TANC2: variants seen among roughly 807,000 people sequenced by gnomAD.
TANC2 encodes the protein tetratricopeptide repeat, ankyrin repeat and coiled-coil containing 2.
A neutral mutation model predicts 210.5 loss-of-function variants in TANC2; 26 were observed. That is an observed-to-expected ratio of 0.12 (90% CI 0.09 to 0.17). The LOEUF (loss-of-function observed/expected upper bound fraction) is 0.17, where lower values mean the gene tolerates loss of function less well. TANC2 is among the 10% of genes least tolerant of loss of function. The pLI is 1.00. For missense variants in TANC2, 2,129 were observed against 2,608.9 expected, an observed-to-expected ratio of 0.82 and a Z score of 4.01; for synonymous variants, 931 against 967.1, an observed-to-expected ratio of 0.96 and a Z score of 0.69.
intron 2 of TANC2, among the ~76,000 whole-genome samples, chr17:63,025,435 A>G (rs2034509032): frequency 6.6e-6 from 1 of 152,070 alleles, no homozygotes; most frequent in African/African-American, 2.4e-5. Flanking sequence ...GGAAGGTAGA[A>G]TGGAATGAGA....
chr17:63,410,766 C>A (rs1337355591), intron 21 of TANC2, among the ~76,000 whole-genome samples: 1 of 141,448 alleles, frequency 7.1e-6, no homozygotes, highest in Non-Finnish European at 1.5e-5. Context: ...GAGGCTGAGG[C>A]AGGAGAATTG....
chr17:63,298,916 C>T (rs1440526234), intron 9 of TANC2, among the ~76,000 whole-genome samples: 2 of 152,114 alleles, frequency 1.3e-5, no homozygotes, highest in Non-Finnish European at 2.9e-5. Context: ...GCTCTTCCTC[C>T]CCTTGCCCCC....
chr17:63,410,370 A>C (rs1401250913), intron 21 of TANC2, among the ~76,000 whole-genome samples: 1 of 124,640 alleles, frequency 8.0e-6, no homozygotes, highest in Non-Finnish European at 1.7e-5. Flanking sequence ...TCTGGTAACC[A>C]CCATTTTATT....
At chr17:63,341,652 A>C (rs2046232426) in intron 12 of TANC2, among the ~76,000 whole-genome samples, 1 of 152,242 alleles carries the variant, frequency 6.6e-6, no homozygotes, top group Admixed American at 6.5e-5. Context: ...TGAGGGCTGA[A>C]TTTTAAGTAC....
chr17:63,008,010 A>T (rs2033700278), intron 1 of TANC2, among the ~76,000 whole-genome samples: 3 of 139,682 alleles, frequency 2.1e-5, no homozygotes, highest in East Asian at 2.0e-4. Context: ...TTTTTTCAGA[A>T]TTTTTAAGTC....
At chr17:63,078,942 G>A (rs1002559810) in intron 3 of TANC2, among the ~76,000 whole-genome samples, 16 of 152,080 alleles carry the variant, frequency 1.1e-4, no homozygotes. Flanking sequence ...CTATCTTCTT[G>A]CCGATTTTCT....
At chr17:63,017,592 ATTTC>A (rs767732221) in intron 2 of TANC2, among the ~76,000 whole-genome samples, 1 of 152,092 alleles carries the variant, frequency 6.6e-6, no homozygotes, top group Non-Finnish European at 1.5e-5. Flanking sequence ...ATTCTGAAAC[ATTTC>A]TTTATCTCCA....
At chr17:63,098,947 T>C (rs565539111) in intron 3 of TANC2, among the ~76,000 whole-genome samples, 2 of 152,206 alleles carry the variant, frequency 1.3e-5, no homozygotes, top group African/African-American at 4.8e-5. Context: ...TCTCATGAGA[T>C]AGTGAACACC....
intron 4 of TANC2, among the ~76,000 whole-genome samples, chr17:63,133,264 G>A (rs1340570124): frequency 1.3e-5 from 2 of 151,858 alleles, no homozygotes; most frequent in African/African-American, 4.8e-5. Flanking sequence ...GTGCCACCAC[G>A]CCTGGCTAAT....
chr17:63,302,599 C>CTTTTTTTTT (rs568226580), intron 9 of TANC2, among the ~76,000 whole-genome samples: 4 of 22,734 alleles, frequency 1.8e-4, no homozygotes, highest in Admixed American at 4.8e-4. Flanking sequence ...GCAACCCCTG[C>CTTTTTTTTT]TTTTTTTTTT....
At chr17:63,339,694 G>A (rs2046161737) in intron 11 of TANC2, among the ~76,000 whole-genome samples, 1 of 151,906 alleles carries the variant, frequency 6.6e-6, no homozygotes, top group African/African-American at 2.4e-5. Context: ...GATTTTTCTT[G>A]GATTATTTTA....
intron 7 of TANC2, among the ~76,000 whole-genome samples, chr17:63,217,860 A>G (rs1446648457): frequency 1.3e-5 from 2 of 152,190 alleles, no homozygotes; most frequent in African/African-American, 4.8e-5. Flanking sequence ...AAAAAGGATA[A>G]TGTCTCATTA....
chr17:63,073,825 G>A (rs239361), intron 2 of TANC2, 118 bp from the exon 3 acceptor site: 40,364 of 930,204 alleles, frequency 0.043, 1,292 homozygotes, highest in African/African-American at 0.14. Flanking sequence ...TAATGATCCG[G>A]ATTATAGGAA....
At chr17:63,377,501 T>TA (rs2047461484) in intron 14 of TANC2, among the ~76,000 whole-genome samples, 1 of 152,182 alleles carries the variant, frequency 6.6e-6, no homozygotes, top group Non-Finnish European at 1.5e-5. Flanking sequence ...AGAGTCACCT[T>TA]TACTCCTGTT....
Position 63,238,083 on chromosome 17 carries a change from T to C in TANC2, c.1033+6T>C. On this transcript the variant is annotated splice_donor_region_variant and intron_variant, in intron 8 of 27. Transcript: ENST00000689528. ...ACGGCCAAATTCAGTAGCAGGTAAGTTTTTGTTGTTGTTGTTGTTGTTGCT... is the reference window on the plus strand; with the variant it reads ...ACGGCCAAATTCAGTAGCAGGTAAGCTTTTGTTGTTGTTGTTGTTGTTGCT... 3 of 1,529,590 alleles carry C rather than the reference T, an allele frequency of 2.0e-6. No homozygotes were observed. Among genetic ancestry groups the C allele is most frequent in the East Asian group, 4.9e-5 (2 of 40,604 alleles). The allele number at this position is 1,529,590 out of a possible 1,614,324, so 94.8% of individuals were successfully genotyped here. A position where few individuals can be genotyped will look rare whatever the true frequency, so the allele number is the denominator to read the frequency against.
chr17:63,292,961 A>G lies in TANC2; in HGVS notation c.1160-21427A>G, dbSNP rs193202554. ...GTCCACAGTTTACCCTCCCTGCTATATGCTTCCCTGCTCACCCAAAAAAGC... is the reference window on the plus strand; with the variant it reads ...GTCCACAGTTTACCCTCCCTGCTATGTGCTTCCCTGCTCACCCAAAAAAGC... On this transcript the variant is annotated intron_variant, in intron 9 of 27. Transcript: ENST00000689528. 3.3e-5 allele frequency among the ~76,000 whole-genome samples: 5 copies of G among 152,304 alleles called. No homozygotes were observed. The East Asian group carries it at 9.7e-4, about 29-fold the overall frequency.
intron 2 of TANC2, among the ~76,000 whole-genome samples, chr17:63,033,883 A>G (rs1187109355): frequency 6.6e-6 from 1 of 152,162 alleles, no homozygotes; most frequent in African/African-American, 2.4e-5. Flanking sequence ...TAAAAACTAT[A>G]AAGTCGAATT....
intron 8 of TANC2, among the ~76,000 whole-genome samples, chr17:63,243,784 A>G (rs2042841969): frequency 6.6e-6 from 1 of 152,236 alleles, no homozygotes; most frequent in African/African-American, 2.4e-5. Flanking sequence ...ACATACTTAA[A>G]AGATACAAAT....
chr17:63,052,129 G>A (rs1454214779), intron 2 of TANC2, among the ~76,000 whole-genome samples: 1 of 152,180 alleles, frequency 6.6e-6, no homozygotes, highest in African/African-American at 2.4e-5. Context: ...GGAACTTGTT[G>A]TTGATCATGA....
Sources: gnomAD v4.1 joint callset for allele counts (sites outside exome capture counted in the v4.1 genomes callset) on GRCh38, gnomAD v4.1.1 for gene constraint, MANE v1.5 for transcripts, NCBI Gene and HGNC (gene_info 2026-07-23, HGNC 2026-07-21) for gene names.